Variants in BATF observed in about 807,000 individuals in gnomAD.
BATF encodes basic leucine zipper transcriptional factor ATF-like.
Under a neutral mutation model 13.7 loss-of-function variants are expected in BATF, and 5 were observed. The observed-to-expected ratio is 0.36, with a 90% CI of 0.19 to 0.77. The LOEUF (loss-of-function observed/expected upper bound fraction) is 0.77. Among genes scored for constraint, BATF ranks in the 30% least tolerant of loss-of-function variants. The pLI, the probability that BATF is intolerant of heterozygous loss-of-function variation, is 0.51. For missense variants in BATF, 124 were observed against 163.0 expected (o/e 0.76, Z 1.30); for synonymous variants, 72 against 67.5 (o/e 1.07, Z -0.33).
intron 2 of BATF, among the ~76,000 whole-genome samples, chr14:75,543,480 G>T (rs1267937545): frequency 6.6e-6 from 1 of 152,084 alleles, no homozygotes; most frequent in Admixed American, 6.6e-5. Context: ...CAGGATGTGG[G>T]GTTTAAGATG....
At chr14:75,536,725 A>AAATAG (rs1887824865) in intron 2 of BATF, among the ~76,000 whole-genome samples, 1 of 143,488 alleles carries the variant, frequency 7.0e-6, no homozygotes, top group South Asian at 2.1e-4. Context: ...CCTGTCTTTA[A>AAATAG]AATAAAATAA....
At chr14:75,531,156 A>G (rs1488912264) in intron 2 of BATF, among the ~76,000 whole-genome samples, 1 of 152,242 alleles carries the variant, frequency 6.6e-6, no homozygotes. Context: ...TCTTTTGAAC[A>G]TCATACATAA....
intron 2 of BATF, among the ~76,000 whole-genome samples, chr14:75,545,683 G>T (rs1054131255): frequency 3.3e-5 from 5 of 152,080 alleles, no homozygotes; most frequent in Admixed American, 6.5e-5. Flanking sequence ...TGAAACTGGT[G>T]TAAGACGTTC....
intron 2 of BATF, among the ~76,000 whole-genome samples, chr14:75,532,603 A>G (rs1035752911): frequency 6.6e-6 from 1 of 152,248 alleles, no homozygotes; most frequent in African/African-American, 2.4e-5. Context: ...TAATTTACAA[A>G]GATGCTTAGT....
chr14:75,544,703 T>C (rs1183485195), intron 2 of BATF, among the ~76,000 whole-genome samples: 1 of 151,946 alleles, frequency 6.6e-6, no homozygotes, highest in Non-Finnish European at 1.5e-5. Context: ...TCTCATGATA[T>C]GGCAAGTTTG....
chr14:75,524,219 C>A (rs1009920512), intron 1 of BATF, among the ~76,000 whole-genome samples: 1 of 152,234 alleles, frequency 6.6e-6, no homozygotes, highest in African/African-American at 2.4e-5. Flanking sequence ...ATGCCTCTCT[C>A]TGGGTGTAAT....
At position 75,538,888 on chromosome 14, in the gene BATF, G is replaced by A. The variant is rs748148930; in HGVS notation, c.169-7574G>A. On this transcript the variant is annotated intron_variant, in intron 2 of 2. Transcript: ENST00000286639. Reference sequence around the variant, plus strand: ...TGCACTCCAGCCTGGGCGACAGAGCGAGACACGGTCTCAAAAAACAAACAA... The same window carrying A: ...TGCACTCCAGCCTGGGCGACAGAGCAAGACACGGTCTCAAAAAACAAACAA... Among the ~76,000 whole-genome samples the A allele has an allele frequency of 3.3e-5, 5 of 152,204 alleles. No individual in the cohort carries two copies. The East Asian group carries it at 7.7e-4, about 23-fold the overall frequency.
In BATF at chr14:75,546,588, A is replaced by G. The variant is rs759632554; in HGVS notation, c.295A>G (p.Ser99Gly). 3.1e-6 allele frequency: 5 copies of G among 1,614,100 alleles called. No individual in the cohort carries two copies. The highest frequency in any genetic ancestry group is 1.7e-5 in the Admixed American group (1 of 60,020). ...GCCCCTGTGCTCGGTGCTGGCCGCC[A>G]GCACGCCCTCGCCCCCCGAGGTGGT... ...HEPLCSVLAA[S>G]TPSPPEVVYS... The change falls in exon 3 of 3, where the codon AGC (serine) becomes GGC (glycine). Residue 99 changes from serine (S) to glycine (G), a missense_variant. Coordinates refer to ENST00000286639, the MANE Select transcript of BATF (RefSeq NM_006399.5).
rs11852052 is a variant in BATF at position 75,543,735 on chromosome 14, G to A, written c.169-2727G>A. On this transcript the variant is annotated intron_variant, in intron 2 of 2. Transcript: ENST00000286639. ...GGTCTCAATAATGTTGCACAGGCTG[G>A]TCTTAAACTCCTGGGCTCTCAGGAG... Among the ~76,000 whole-genome samples, 290 of 151,468 alleles carry A rather than the reference G, an allele frequency of 1.9e-3. 3 individuals are homozygous for A. Among genetic ancestry groups the A allele is most frequent in the Non-Finnish European group, 2.8e-3 (189 of 67,858 alleles).
intron 2 of BATF, among the ~76,000 whole-genome samples, chr14:75,525,857 T>C (rs1287756707): frequency 6.6e-6 from 1 of 152,100 alleles, no homozygotes; most frequent in Non-Finnish European, 1.5e-5. Context: ...CATAGTCGCA[T>C]CCCTTGGCAG....
chr14:75,538,022 G>C (rs912657897), intron 2 of BATF, among the ~76,000 whole-genome samples: 7 of 152,052 alleles, frequency 4.6e-5, no homozygotes, highest in African/African-American at 1.7e-4. Flanking sequence ...GCAGTGGTGC[G>C]ATCATGGCTG....
intron 2 of BATF, among the ~76,000 whole-genome samples, chr14:75,535,618 C>T (rs569062053): frequency 2.0e-5 from 3 of 152,080 alleles, no homozygotes; most frequent in Non-Finnish European, 4.4e-5. Flanking sequence ...TTACTGAGCT[C>T]GAATTTGGGG....
intron 2 of BATF, among the ~76,000 whole-genome samples, chr14:75,526,706 A>C (rs1303638739): frequency 1.3e-5 from 2 of 152,246 alleles, no homozygotes; most frequent in African/African-American, 4.8e-5. Flanking sequence ...AACTGTGCTC[A>C]ACAGTCTGAA....
chr14:75,525,269 T>A, intron 2 of BATF, 81 bp downstream of exon 2: 4 of 1,409,392 alleles, frequency 2.8e-6, no homozygotes, highest in Non-Finnish European at 3.9e-6. Context: ...ACCATAGCTT[T>A]GATTCTGCTT....
Position 75,531,071 on chromosome 14 carries a change from T to A in BATF, c.168+5883T>A, listed in dbSNP as rs1289286311. ...ATTACCACACATGCATTAGGAGGAT[T>A]TCTTTTCTAATTTTGACATCAAACA... On this transcript the variant is annotated intron_variant, in intron 2 of 2. Transcript: ENST00000286639. Among the ~76,000 whole-genome samples, 4 of 152,316 alleles carry A rather than the reference T, an allele frequency of 2.6e-5. No homozygotes were observed. The South Asian group carries it at 8.3e-4, about 32-fold the overall frequency.
At position 75,546,648 on chromosome 14, in the gene BATF, A is replaced by T. The variant is rs1441360326; in HGVS notation, c.355A>T (p.Ser119Cys). The T allele has an allele frequency of 6.2e-7, 1 of 1,607,284 alleles. No homozygotes were observed. The highest frequency in any genetic ancestry group is 2.2e-5 in the East Asian group (1 of 44,528). ...SAHAFHQPHV[S>C]SPRFQP is the part of the protein sequence containing the mutation. ...CCACGCATTCCACCAACCTCATGTCAGCTCCCCGCGCTTCCAGCCCTGAGC... is the reference window on the plus strand; with the variant it reads ...CCACGCATTCCACCAACCTCATGTCTGCTCCCCGCGCTTCCAGCCCTGAGC... Residue 119 changes from serine (S) to cysteine (C), a missense_variant, in exon 3 of 3, where the codon AGC (serine) becomes TGC (cysteine). Ser to Cys is a moderately radical substitution (Grantham distance 112). This residue lies in a region of BATF where 59 missense variants were observed against 49.7 expected (regional missense o/e 1.19). Coordinates refer to ENST00000286639, the MANE Select transcript of BATF (RefSeq NM_006399.5).
chr14:75,542,959 G>A (rs915262871), intron 2 of BATF, among the ~76,000 whole-genome samples: 5 of 152,224 alleles, frequency 3.3e-5, no homozygotes, highest in Non-Finnish European at 7.3e-5. Context: ...GCGGGGAGAA[G>A]GTCAGAGTGG....
At chr14:75,532,568 GAC>G (rs1330279573) in intron 2 of BATF, among the ~76,000 whole-genome samples, 1 of 152,120 alleles carries the variant, frequency 6.6e-6, no homozygotes, top group African/African-American at 2.4e-5. Context: ...AATTACCTTT[GAC>G]ACAACAGAGT....
At chr14:75,527,159 A>T (rs1299548827) in intron 2 of BATF, among the ~76,000 whole-genome samples, 2 of 152,236 alleles carry the variant, frequency 1.3e-5, no homozygotes, top group East Asian at 3.8e-4. Flanking sequence ...TAAAGAGCCC[A>T]ACACAATGCC....
Sources: gnomAD v4.1 joint callset for allele counts (sites outside exome capture counted in the v4.1 genomes callset) on GRCh38, gnomAD v4.1.1 for gene constraint, gnomAD v4.1.1 regional missense constraint, MANE v1.5 for transcripts, NCBI Gene and HGNC (gene_info 2026-07-23, HGNC 2026-07-21) for gene names.